Variants in RBFOX1 observed in about 807,000 individuals in gnomAD.
RBFOX1 encodes RNA binding fox-1 homolog 1.
Under a neutral mutation model 57.7 loss-of-function variants are expected in RBFOX1, and 8 were observed. That is an observed-to-expected ratio of 0.14 (90% confidence interval 0.08 to 0.25). The LOEUF is 0.25. Ranked by LOEUF, RBFOX1 falls within the 10% of genes least tolerant of loss-of-function variation. The pLI is 1.00. For missense variants in RBFOX1, 611 were observed against 548.5 expected, an observed-to-expected ratio of 1.11 and a Z score of -1.14; for synonymous variants, 326 against 222.4, an observed-to-expected ratio of 1.47 and a Z score of -4.15.
chr16:6,988,320 T>C lies in RBFOX1; in HGVS notation c.-15-63737T>C, dbSNP rs141752919. Among the ~76,000 whole-genome samples, 104 of 152,256 alleles carry C rather than the reference T, an allele frequency of 6.8e-4. No individual in the cohort carries two copies. In the Middle Eastern group the frequency reaches 0.014, roughly 20 times the overall value. ...TGTAGTCTATTGGAGTTTCCTGTGA[T>C]GATGAAAGTGTTTATAATCTTACTG... On this transcript the variant is annotated intron_variant, in intron 3 of 15. Coordinates refer to ENST00000550418, the MANE Select transcript of RBFOX1 (RefSeq NM_018723.4).
chr16:7,040,580 C>G (rs1043087903), intron 3 of RBFOX1, among the ~76,000 whole-genome samples: 2 of 152,166 alleles, frequency 1.3e-5, no homozygotes, highest in African/African-American at 4.8e-5. Flanking sequence ...CACTATTGGT[C>G]TGGTTCCCAG....
At chr16:6,999,702 T>C (rs1018023048) in intron 3 of RBFOX1, among the ~76,000 whole-genome samples, 9 of 152,026 alleles carry the variant, frequency 5.9e-5, no homozygotes, top group Non-Finnish European at 1.0e-4. Flanking sequence ...TTATTAAATA[T>C]ATCAGTATGT....
At chr16:6,251,489 C>T (rs1294784067) in intron 1 of RBFOX1, among the ~76,000 whole-genome samples, 1 of 151,958 alleles carries the variant, frequency 6.6e-6, no homozygotes, top group Non-Finnish European at 1.5e-5. Context: ...GCCTAAGAAC[C>T]AAAAGTTAGA....
In RBFOX1 at chr16:5,306,679, G is replaced by A. The variant is rs185342822; in HGVS notation, c.219+66574G>A. 2.1e-4 allele frequency among the ~76,000 whole-genome samples: 32 copies of A among 152,254 alleles called. 1 individual carries two copies. The highest frequency in any genetic ancestry group is 7.0e-4 in the African/African-American group (29 of 41,554). ...AGTTAAATGCACAGCAATGCTCTGC[G>A]GAGCAAGGTAAGGTTGCTTCCGAGA... On this transcript the variant is annotated intron_variant, in intron 1 of 2. Coordinates refer to the RBFOX1 transcript ENST00000585867.
upstream of RBFOX1, among the ~76,000 whole-genome samples, chr16:6,018,265 A>G (rs1567265389): frequency 6.6e-6 from 1 of 152,004 alleles, no homozygotes; most frequent in Non-Finnish European, 1.5e-5. Context: ...TTCTCACTCC[A>G]GTCCAGAGTG....
chr16:7,165,959 C>T (rs201879501), intron 4 of RBFOX1, among the ~76,000 whole-genome samples: 775 of 75,634 alleles, frequency 0.01, 5 homozygotes, highest in Non-Finnish European at 0.013. Flanking sequence ...CACACACACA[C>T]ACACACATAC....
chr16:5,883,537 C>T (rs2057819174), intron 4 of RBFOX1, among the ~76,000 whole-genome samples: 1 of 152,084 alleles, frequency 6.6e-6, no homozygotes, highest in African/African-American at 2.4e-5. Flanking sequence ...ACAGTCCCAA[C>T]GTTGGACTGC....
chr16:7,262,540 G>T (rs909067818), intron 4 of RBFOX1, among the ~76,000 whole-genome samples: 1 of 152,246 alleles, frequency 6.6e-6, no homozygotes, highest in Non-Finnish European at 1.5e-5. Flanking sequence ...GGCATGCATA[G>T]CACCCCACTT....
At chr16:7,347,154 G>T (rs1417543211) in intron 4 of RBFOX1, among the ~76,000 whole-genome samples, 1 of 152,092 alleles carries the variant, frequency 6.6e-6, no homozygotes, top group Non-Finnish European at 1.5e-5. Context: ...CACATTTTTT[G>T]GTTGTCGTAA....
At chr16:5,864,244 T>A (rs886863988) in intron 3 of RBFOX1, among the ~76,000 whole-genome samples, 17 of 152,228 alleles carry the variant, frequency 1.1e-4, no homozygotes, top group Non-Finnish European at 2.5e-4. Context: ...ACAACACTAT[T>A]CACAGCAGCA....
chr16:6,670,163 G>T (rs939845556), intron 3 of RBFOX1, among the ~76,000 whole-genome samples: 2 of 151,866 alleles, frequency 1.3e-5, no homozygotes, highest in East Asian at 3.9e-4. Context: ...TACTTACTCA[G>T]TGTGATCCTC....
At chr16:6,982,949 A>G (rs561132694) in intron 3 of RBFOX1, among the ~76,000 whole-genome samples, 1 of 136,214 alleles carries the variant, frequency 7.3e-6, no homozygotes, top group African/African-American at 2.7e-5. Flanking sequence ...AGATAACATC[A>G]TGCCATTGTG....
At chr16:5,794,762 C>CATT (rs2054820056) in intron 3 of RBFOX1, among the ~76,000 whole-genome samples, 1 of 152,166 alleles carries the variant, frequency 6.6e-6, no homozygotes, top group South Asian at 2.1e-4. Context: ...AGTGACTGAA[C>CATT]ATTAACATTT....
intron 4 of RBFOX1, among the ~76,000 whole-genome samples, chr16:7,235,835 T>C (rs2093738666): frequency 6.6e-6 from 1 of 152,212 alleles, no homozygotes; most frequent in Non-Finnish European, 1.5e-5. Flanking sequence ...ACAATTCCAG[T>C]TTTTACAGTT....
At chr16:5,586,760 G>C (rs1300751448) in intron 2 of RBFOX1, among the ~76,000 whole-genome samples, 2 of 152,160 alleles carry the variant, frequency 1.3e-5, no homozygotes, top group Non-Finnish European at 2.9e-5. Flanking sequence ...GCTTTCTAAA[G>C]TGCTGGGATT....
Position 7,674,661 on chromosome 16 carries a change from G to A in RBFOX1, c.931-2113G>A, listed in dbSNP as rs570770434. On this transcript the variant is annotated intron_variant, in intron 13 of 15. Coordinates refer to ENST00000550418, the MANE Select transcript of RBFOX1 (RefSeq NM_018723.4). ...TTTTCTGTAACTGGCCAAGTCATATGCAAACAGAGTAGAGGTCATTTTGAG... is the reference window on the plus strand; with the variant it reads ...TTTTCTGTAACTGGCCAAGTCATATACAAACAGAGTAGAGGTCATTTTGAG... Among the ~76,000 whole-genome samples, 24 of 152,308 alleles carry A rather than the reference G, an allele frequency of 1.6e-4. No homozygotes were observed. The South Asian group carries it at 4.4e-3, about 28-fold the overall frequency.
At chr16:7,295,070 G>C (rs2095863908) in intron 4 of RBFOX1, among the ~76,000 whole-genome samples, 1 of 152,168 alleles carries the variant, frequency 6.6e-6, no homozygotes, top group South Asian at 2.1e-4. Context: ...ACGCTTGTCA[G>C]TCTTCACAAA....
intron 4 of RBFOX1, among the ~76,000 whole-genome samples, chr16:7,148,518 A>G (rs886564301): frequency 4.6e-5 from 7 of 152,234 alleles, no homozygotes; most frequent in Non-Finnish European, 7.3e-5. Context: ...TACATTTAAC[A>G]TATTAAGGCC....
chr16:6,578,892 G>A (rs1343555223), intron 2 of RBFOX1, among the ~76,000 whole-genome samples: 1 of 151,992 alleles, frequency 6.6e-6, no homozygotes, highest in Non-Finnish European at 1.5e-5. Context: ...TGGGGGAAAG[G>A]GTGGGAGTGG....
Sources: allele counts gnomAD v4.1 joint callset (sites outside exome capture counted in the v4.1 genomes callset), GRCh38; gene constraint gnomAD v4.1.1; transcripts MANE v1.5; gene names NCBI Gene and HGNC (gene_info 2026-07-23, HGNC 2026-07-21).